The following ARB2A variants were observed in gnomAD, a reference collection of about 807,000 sequenced individuals.
ARB2A encodes the protein ARB2 cotranscriptional regulator A, also known as cotranscriptional regulator ARB2A.
At chr5:94,019,788 C>A in the ARB2A span, among the ~76,000 whole-genome samples, 3 of 152,158 alleles carry the variant, frequency 2.0e-5, no homozygotes, top group Admixed American at 2.0e-4. Flanking sequence ...TGGGTATATA[C>A]CCAAAAGGAT....
chr5:93,973,257 G>A, the ARB2A span, among the ~76,000 whole-genome samples: 2 of 151,766 alleles, frequency 1.3e-5, no homozygotes, highest in Admixed American at 6.6e-5. Flanking sequence ...ACTGTGCCCA[G>A]CCAGGAATTT....
the ARB2A span, chr5:93,734,277 G>A: frequency 1.3e-5 from 2 of 152,096 alleles, no homozygotes; most frequent in East Asian, 3.8e-4. Flanking sequence ...GCAACTCAGG[G>A]CCTTCATATG....
the ARB2A span, among the ~76,000 whole-genome samples, chr5:94,063,404 C>T: frequency 3.0e-4 from 45 of 152,264 alleles, no homozygotes; most frequent in Middle Eastern, 6.8e-3. Context: ...TCAACAAAAT[C>T]GTGAACTGCT....
At chr5:93,827,346 G>A in the ARB2A span, among the ~76,000 whole-genome samples, 2 of 152,198 alleles carry the variant, frequency 1.3e-5, no homozygotes, top group African/African-American at 4.8e-5. Context: ...CTGATGGCCA[G>A]TGATGATGAG....
At chr5:93,754,479 G>T in the ARB2A span, among the ~76,000 whole-genome samples, 2 of 152,082 alleles carry the variant, frequency 1.3e-5, no homozygotes, top group Non-Finnish European at 2.9e-5. Flanking sequence ...ATTTGGAGGG[G>T]GCTGAAAGTA....
the ARB2A span, among the ~76,000 whole-genome samples, chr5:93,708,932 C>G: frequency 3.9e-5 from 6 of 152,006 alleles, no homozygotes; most frequent in Non-Finnish European, 7.4e-5. Flanking sequence ...TTTATTAGTT[C>G]TGGGGATCTA....
the ARB2A span, among the ~76,000 whole-genome samples, chr5:93,878,476 A>C: frequency 6.6e-6 from 1 of 151,930 alleles, no homozygotes; most frequent in Non-Finnish European, 1.5e-5. Flanking sequence ...GTTGCAATGG[A>C]AAGTGGCAGA....
chr5:93,819,140 C>T, the ARB2A span, among the ~76,000 whole-genome samples: 1 of 138,544 alleles, frequency 7.2e-6, no homozygotes, highest in Non-Finnish European at 1.5e-5. Flanking sequence ...GAGTCGAGAT[C>T]GCGCCACTGC....
At chr5:93,763,772 T>C in the ARB2A span, among the ~76,000 whole-genome samples, 1 of 152,138 alleles carries the variant, frequency 6.6e-6, no homozygotes, top group East Asian at 1.9e-4. Flanking sequence ...AGCACACCTA[T>C]TCCAAAATTC....
At chr5:93,862,080 G>T in the ARB2A span, 17 of 152,128 alleles carry the variant, frequency 1.1e-4, no homozygotes, top group Admixed American at 1.0e-3. Flanking sequence ...TAAATGTTAT[G>T]ATTTATTACT....
At chr5:94,005,760 T>A in the ARB2A span, among the ~76,000 whole-genome samples, 1 of 152,034 alleles carries the variant, frequency 6.6e-6, no homozygotes, top group South Asian at 2.1e-4. Context: ...GATACACAGG[T>A]GTTGAGTAAG....
the ARB2A span, chr5:93,737,813 T>C: frequency 1.0e-5 from 4 of 397,126 alleles, no homozygotes; most frequent in Admixed American, 1.3e-4. Context: ...GGCACTTACC[T>C]CATACCGTAT....
At chr5:93,908,747 A>G in the ARB2A span, among the ~76,000 whole-genome samples, 2 of 150,996 alleles carry the variant, frequency 1.3e-5, no homozygotes, top group East Asian at 1.9e-4. Context: ...TACCTAATAA[A>G]TTCCATTTTT....
chr5:94,048,841 T>C, the ARB2A span, among the ~76,000 whole-genome samples: 12 of 152,200 alleles, frequency 7.9e-5, no homozygotes, highest in African/African-American at 2.7e-4. Context: ...CTTCGAAGCC[T>C]GTTTCCTATA....
chr5:94,081,450 T>TG, the ARB2A span, among the ~76,000 whole-genome samples: 1 of 152,204 alleles, frequency 6.6e-6, no homozygotes, highest in African/African-American at 2.4e-5. Flanking sequence ...GACTGTCAAC[T>TG]GATGAATGGA....
At chr5:93,956,706 C>T in the ARB2A span, among the ~76,000 whole-genome samples, 1 of 151,690 alleles carries the variant, frequency 6.6e-6, no homozygotes, top group Non-Finnish European at 1.5e-5. Flanking sequence ...AATGGGACAG[C>T]TTCTTATTCC....
the ARB2A span, chr5:93,824,240 T>C: frequency 2.3e-4 from 365 of 1,592,370 alleles, 2 homozygotes; most frequent in African/African-American, 3.5e-3. Context: ...CAAACATAGA[T>C]TGCATGTTCT....
At chr5:93,647,720 T>C in the ARB2A span, among the ~76,000 whole-genome samples, 15 of 152,120 alleles carry the variant, frequency 9.9e-5, no homozygotes, top group African/African-American at 3.6e-4. Flanking sequence ...GATGGGGTTT[T>C]GCCATGTTGG....
chr5:94,017,511 A>G, the ARB2A span, among the ~76,000 whole-genome samples: 4 of 152,234 alleles, frequency 2.6e-5, no homozygotes, highest in African/African-American at 9.6e-5. Context: ...ACTGGAATGG[A>G]TATGGTATCT....
Sources: gnomAD v4.1 joint callset for allele counts (sites outside exome capture counted in the v4.1 genomes callset) on GRCh38, gnomAD v4.1.1 for gene constraint, MANE v1.5 for transcripts, NCBI Gene and HGNC (gene_info 2026-07-23, HGNC 2026-07-21) for gene names.